The following LRP1B variants were observed in gnomAD, a reference collection of about 807,000 sequenced individuals.
The protein encoded by LRP1B is low-density lipoprotein receptor-related protein 1B.
In LRP1B, 217 loss-of-function variants were observed where a neutral mutation model predicts 556.6. The ratio of observed to expected loss-of-function variants is 0.39; its 90% confidence interval spans 0.35 to 0.44. LRP1B has a LOEUF of 0.44. LRP1B is among the 20% of genes least tolerant of loss of function. The pLI is 1.00. For synonymous variants in LRP1B, 2,047 were observed against 1,865.8 expected (o/e 1.10, Z -2.50); for missense variants, 5,053 against 5,620.8 (o/e 0.90, Z 3.23).
In LRP1B at chr2:140,767,652, AT is replaced by A. The variant is rs931703003; in HGVS notation, c.5758+1560del. 4.2e-3 allele frequency among the ~76,000 whole-genome samples: 628 copies of A among 150,932 alleles called. 5 individuals are homozygous for A. The highest frequency in any genetic ancestry group is 0.013 in the African/African-American group (550 of 41,256). On this transcript the variant is annotated intron_variant, in intron 35 of 90. Transcript: ENST00000389484. ...TATTATTTTATTTTTTTTAATTATT[AT>A]TTTTTTTATTATACTTTAAGTTTTA...
At chr2:141,120,584 T>C (rs1341206154) in intron 7 of LRP1B, among the ~76,000 whole-genome samples, 1 of 152,052 alleles carries the variant, frequency 6.6e-6, no homozygotes, top group Non-Finnish European at 1.5e-5. Flanking sequence ...CTGATATAAA[T>C]AAGGTAATAA....
intron 35 of LRP1B, among the ~76,000 whole-genome samples, chr2:140,736,636 C>T (rs1356517933): frequency 1.3e-5 from 2 of 152,046 alleles, no homozygotes; most frequent in African/African-American, 4.8e-5. Flanking sequence ...GAAAGGATTC[C>T]CTATTTAATA....
intron 2 of LRP1B, among the ~76,000 whole-genome samples, chr2:141,801,397 T>A (rs1273967610): frequency 1.3e-5 from 2 of 152,104 alleles, no homozygotes; most frequent in Non-Finnish European, 2.9e-5. Flanking sequence ...CAAGTAATCC[T>A]CTTGCCTTGG....
At chr2:141,654,408 T>C (rs1023102788) in intron 2 of LRP1B, among the ~76,000 whole-genome samples, 1 of 152,130 alleles carries the variant, frequency 6.6e-6, no homozygotes, top group Non-Finnish European at 1.5e-5. Context: ...AACTGAAACC[T>C]TGCTTGAACT....
At chr2:141,465,543 C>CTTTTTTTT (rs71391652) in intron 3 of LRP1B, among the ~76,000 whole-genome samples, 1 of 117,314 alleles carries the variant, frequency 8.5e-6, no homozygotes, top group Non-Finnish European at 1.9e-5. Flanking sequence ...CACAGCATGA[C>CTTTTTTTT]TTTTTTTTTT....
At chr2:141,168,153 TC>T (rs1483761001) in intron 7 of LRP1B, among the ~76,000 whole-genome samples, 2 of 152,040 alleles carry the variant, frequency 1.3e-5, no homozygotes. Context: ...GCACATTTTA[TC>T]CATAAAGTCA....
intron 7 of LRP1B, among the ~76,000 whole-genome samples, chr2:141,068,729 G>T (rs1454445807): frequency 6.6e-6 from 1 of 151,866 alleles, no homozygotes; most frequent in African/African-American, 2.4e-5. Flanking sequence ...AAAAGAAAAT[G>T]ATTTGGGGCT....
At chr2:140,310,317 G>T (rs566154401) in intron 83 of LRP1B, among the ~76,000 whole-genome samples, 1 of 149,878 alleles carries the variant, frequency 6.7e-6, no homozygotes, top group South Asian at 2.1e-4. Flanking sequence ...TGATCATACT[G>T]TCTAACACAA....
intron 32 of LRP1B, among the ~76,000 whole-genome samples, chr2:140,783,328 A>G (rs1192410432): frequency 3.9e-5 from 6 of 152,124 alleles, no homozygotes; most frequent in Non-Finnish European, 7.3e-5. Flanking sequence ...ATACCTAGTT[A>G]CATTTGAATT....
chr2:141,601,640 TTCC>T (rs1489752125), intron 2 of LRP1B, among the ~76,000 whole-genome samples: 1 of 151,030 alleles, frequency 6.6e-6, no homozygotes, highest in Non-Finnish European at 1.5e-5. Context: ...CCTTCCTTCC[TTCC>T]TTTTTTTTTC....
intron 7 of LRP1B, among the ~76,000 whole-genome samples, chr2:141,074,865 G>A (rs1269811443): frequency 3.9e-5 from 6 of 152,010 alleles, no homozygotes; most frequent in Admixed American, 1.3e-4. Flanking sequence ...TGTTCAGTTC[G>A]TTTTCATTGT....
intron 37 of LRP1B, among the ~76,000 whole-genome samples, chr2:140,711,942 A>T (rs979760535): frequency 6.6e-6 from 1 of 152,178 alleles, no homozygotes; most frequent in East Asian, 1.9e-4. Flanking sequence ...GTTTAGAAAT[A>T]CCTCAAAGGC....
At chr2:141,797,778 C>A (rs1209841039) in intron 2 of LRP1B, among the ~76,000 whole-genome samples, 1 of 152,058 alleles carries the variant, frequency 6.6e-6, no homozygotes, top group East Asian at 1.9e-4. Flanking sequence ...TGATTAAACA[C>A]AATGAGGAAA....
intron 1 of LRP1B, among the ~76,000 whole-genome samples, chr2:141,993,919 T>C (rs1026249642): frequency 6.6e-6 from 1 of 152,176 alleles, no homozygotes; most frequent in African/African-American, 2.4e-5. Context: ...GTTTATGTTT[T>C]TTTTCTTTGT....
At chr2:141,392,496 C>A (rs1690090351) in intron 3 of LRP1B, among the ~76,000 whole-genome samples, 1 of 145,840 alleles carries the variant, frequency 6.9e-6, no homozygotes, top group Non-Finnish European at 1.5e-5. Context: ...GACTGTCACT[C>A]ACTAAAACAG....
chr2:141,251,766 A>T (rs1323307329), intron 4 of LRP1B, among the ~76,000 whole-genome samples: 1 of 152,136 alleles, frequency 6.6e-6, no homozygotes. Flanking sequence ...TGAGGAAGTA[A>T]CACAAGATGG....
At chr2:140,332,803 C>G (rs930743596) in intron 79 of LRP1B, among the ~76,000 whole-genome samples, 6 of 152,052 alleles carry the variant, frequency 3.9e-5, no homozygotes, top group Non-Finnish European at 5.9e-5. Flanking sequence ...TACAAGAATT[C>G]TCATTTTAGG....
chr2:140,346,388 T>C (rs1681685911), intron 77 of LRP1B, among the ~76,000 whole-genome samples: 1 of 151,762 alleles, frequency 6.6e-6, no homozygotes, highest in Non-Finnish European at 1.5e-5. Context: ...TTTAGTAAAA[T>C]TTTGACTAGA....
At chr2:141,243,090 G>C (rs1053417881) in intron 5 of LRP1B, among the ~76,000 whole-genome samples, 4 of 151,312 alleles carry the variant, frequency 2.6e-5, no homozygotes, top group Non-Finnish European at 5.9e-5. Flanking sequence ...TGTGCAAGAA[G>C]TTTTACTGGG....
Sources: allele counts gnomAD v4.1 joint callset (sites outside exome capture counted in the v4.1 genomes callset), GRCh38; gene constraint gnomAD v4.1.1; transcripts MANE v1.5; gene names NCBI Gene and HGNC (gene_info 2026-07-23, HGNC 2026-07-21).